Variants in IQGAP2 observed in about 807,000 individuals in gnomAD.
The protein encoded by IQGAP2 is ras GTPase-activating-like protein IQGAP2.
IQGAP2 carries 173 observed loss-of-function variants against 201.3 expected under a neutral mutation model. The ratio of observed to expected loss-of-function variants is 0.86; its 90% CI spans 0.76 to 0.98. IQGAP2 has a LOEUF of 0.98. IQGAP2 is among the 50% of genes least tolerant of loss of function. The pLI is 0.00. For missense variants in IQGAP2, 1,687 were observed against 1,864.8 expected, an observed-to-expected ratio of 0.90 and a Z score of 1.76; for synonymous variants, 675 against 673.9, an observed-to-expected ratio of 1.00 and a Z score of -0.03.
chr5:76,706,418 G>C (rs1747902464), intron 35 of IQGAP2, among the ~76,000 whole-genome samples: 1 of 152,024 alleles, frequency 6.6e-6, no homozygotes, highest in South Asian at 2.1e-4. Context: ...TGCAATCTCG[G>C]CTCGCTGCAA....
At chr5:76,655,660 G>T (rs1752853810) in intron 20 of IQGAP2, among the ~76,000 whole-genome samples, 1 of 152,120 alleles carries the variant, frequency 6.6e-6, no homozygotes, top group African/African-American at 2.4e-5. Flanking sequence ...TGTGTGCCAG[G>T]CTGGTCTTGA....
intron 1 of IQGAP2, chr5:76,404,479 C>T (rs1357155668): frequency 1.0e-6 from 1 of 985,400 alleles, no homozygotes; most frequent in African/African-American, 1.7e-5. Flanking sequence ...TCAGTGAACC[C>T]AAGGCCGAAG....
chr5:76,441,541 A>T (rs1403977370), intron 1 of IQGAP2: 1 of 984,026 alleles, frequency 1.0e-6, no homozygotes, highest in African/African-American at 1.7e-5. Flanking sequence ...AACTGTAATA[A>T]TGCTACTTCT....
intron 22 of IQGAP2, among the ~76,000 whole-genome samples, chr5:76,665,559 G>A (rs1040761107): frequency 6.6e-6 from 1 of 152,182 alleles, no homozygotes; most frequent in Non-Finnish European, 1.5e-5. Context: ...AACAGGTGCT[G>A]TCATCCATGA....
Position 76,658,482 on chromosome 5 carries a change from A to C in IQGAP2, c.2344A>C (p.Thr782Pro). ...TLVGSENPPLTVIRKFVYLLD... is the reference protein window; with the variant it reads ...TLVGSENPPLPVIRKFVYLLD... ...AGTTGGCTCTGAAAACCCACCATTA[A>C]CAGTAATTCGCAAATTTGTATACCT... is the stretch of plus-strand genomic sequence containing the variant. The change falls in exon 21 of 36, where the codon ACA becomes CCA. Residue 782 changes from threonine to proline, a missense_variant. By Grantham distance (38) the Thr-to-Pro change is conservative. Coordinates refer to ENST00000274364, the MANE Select transcript of IQGAP2 (RefSeq NM_006633.5). 1.2e-6 allele frequency: 2 copies of C among 1,613,928 alleles called. No individual in the cohort carries two copies. Among genetic ancestry groups the C allele is most frequent in the Non-Finnish European group, 1.7e-6 (2 of 1,179,918 alleles).
At chr5:76,608,561 T>C (rs563828232) in intron 12 of IQGAP2, among the ~76,000 whole-genome samples, 1 of 152,328 alleles carries the variant, frequency 6.6e-6, no homozygotes, top group East Asian at 1.9e-4. Flanking sequence ...GAAGGTGCAT[T>C]ACTCTTGCCT....
chr5:76,586,552 C>T (rs1358529577), intron 5 of IQGAP2, among the ~76,000 whole-genome samples: 3 of 152,198 alleles, frequency 2.0e-5, no homozygotes, highest in Non-Finnish European at 4.4e-5. Context: ...ATTTAAATAA[C>T]ATCTTGTTGC....
chr5:76,405,063 A>G (rs1750722834), intron 1 of IQGAP2, among the ~76,000 whole-genome samples: 1 of 152,238 alleles, frequency 6.6e-6, no homozygotes, highest in African/African-American at 2.4e-5. Flanking sequence ...ATGATAAGAT[A>G]ACCACAAACT....
chr5:76,564,123 C>A (rs951075489), intron 3 of IQGAP2, among the ~76,000 whole-genome samples: 10 of 152,254 alleles, frequency 6.6e-5, no homozygotes, highest in African/African-American at 2.4e-4. Context: ...TTATAATCTT[C>A]CACAAGACTT....
At chr5:76,404,772 C>T (rs1750705194) in intron 1 of IQGAP2, among the ~76,000 whole-genome samples, 1 of 152,204 alleles carries the variant, frequency 6.6e-6, no homozygotes, top group African/African-American at 2.4e-5. Context: ...CTAATGCATT[C>T]AGCAGTTGAC....
At chr5:76,419,384 T>C (rs926092919) in intron 1 of IQGAP2, among the ~76,000 whole-genome samples, 2 of 152,104 alleles carry the variant, frequency 1.3e-5, no homozygotes, top group African/African-American at 4.8e-5. Flanking sequence ...TTGCCCAGGC[T>C]GGAGTACAGT....
intron 1 of IQGAP2, among the ~76,000 whole-genome samples, chr5:76,451,264 G>A (rs529087942): frequency 5.9e-5 from 9 of 152,104 alleles, no homozygotes; most frequent in East Asian, 3.9e-4. Flanking sequence ...CCCCCATACC[G>A]TGCTCCTCTT....
chr5:76,584,863 C>T (rs1366031804), intron 5 of IQGAP2, among the ~76,000 whole-genome samples: 1 of 152,162 alleles, frequency 6.6e-6, no homozygotes, highest in East Asian at 1.9e-4. Flanking sequence ...CTGAAGGAAG[C>T]ATTAGATTCA....
At chr5:76,587,749 C>T (rs2150303432) in intron 5 of IQGAP2, among the ~76,000 whole-genome samples, 1 of 152,092 alleles carries the variant, frequency 6.6e-6, no homozygotes, top group African/African-American at 2.4e-5. Flanking sequence ...CGAGACCAGC[C>T]TAGCCAACAT....
In IQGAP2 at chr5:76,671,933, G is replaced by A. The variant is rs201177978; in HGVS notation, c.3018G>A (p.Glu1006=). 2 of 1,614,112 alleles carry A rather than the reference G, an allele frequency of 1.2e-6. No homozygotes were observed. The highest frequency in any genetic ancestry group is 2.7e-5 in the African/African-American group (2 of 75,026). Residue 1006 remains glutamate (E), a synonymous_variant, in exon 24 of 36, where the codon GAG becomes GAA. Coordinates refer to ENST00000274364, the MANE Select transcript of IQGAP2 (RefSeq NM_006633.5). ...TGATTATCAACACAAACCCTGTAGAGGTGTACAAGGCTTGGGTGAACCAAC... is the reference window on the plus strand; with the variant it reads ...TGATTATCAACACAAACCCTGTAGAAGTGTACAAGGCTTGGGTGAACCAAC... ...KSLIINTNPV[E]VYKAWVNQLE... is the part of the protein sequence containing the mutation.
intron 17 of IQGAP2, among the ~76,000 whole-genome samples, chr5:76,646,843 C>T (rs1315090543): frequency 6.6e-6 from 1 of 152,014 alleles, no homozygotes; most frequent in Non-Finnish European, 1.5e-5. Flanking sequence ...TTTAAGTTTA[C>T]TCATGTATAT....
chr5:76,512,154 G>C (rs952801520), intron 2 of IQGAP2, among the ~76,000 whole-genome samples: 1 of 152,158 alleles, frequency 6.6e-6, no homozygotes, highest in Non-Finnish European at 1.5e-5. Context: ...GAGTTTGAAA[G>C]ACAAACTATT....
At chr5:76,583,754 T>TCCC (rs1436225173) in intron 5 of IQGAP2, among the ~76,000 whole-genome samples, 4 of 152,256 alleles carry the variant, frequency 2.6e-5, no homozygotes, top group Non-Finnish European at 4.4e-5. Flanking sequence ...CTATCTAACT[T>TCCC]CTTTATCATC....
chr5:76,542,732 A>G (rs1742856466), intron 2 of IQGAP2, among the ~76,000 whole-genome samples: 1 of 152,214 alleles, frequency 6.6e-6, no homozygotes, highest in South Asian at 2.1e-4. Flanking sequence ...TTGTCTCCTC[A>G]TACCTGGAAC....
Sources: allele counts gnomAD v4.1 joint callset (sites outside exome capture counted in the v4.1 genomes callset), GRCh38; gene constraint gnomAD v4.1.1; transcripts MANE v1.5; gene names NCBI Gene and HGNC (gene_info 2026-07-23, HGNC 2026-07-21).